The following B3GALT1 variants were observed in gnomAD, a reference collection of about 807,000 sequenced individuals.
B3GALT1 encodes beta-1,3-galactosyltransferase 1, also known as UDP-Gal:betaGlcNAc beta 1,3-galactosyltransferase, polypeptide 1.
Under a neutral mutation model 23.2 loss-of-function variants are expected in B3GALT1, and 10 were observed. That is an observed-to-expected ratio of 0.43 (90% CI 0.27 to 0.73). B3GALT1 has a LOEUF of 0.73. B3GALT1 is among the 30% of genes least tolerant of loss of function. The pLI, the probability that B3GALT1 is intolerant of heterozygous loss-of-function variation, is 0.21. For missense variants in B3GALT1, 299 were observed against 405.4 expected, an observed-to-expected ratio of 0.74 and a Z score of 2.25; for synonymous variants, 156 against 141.5, an observed-to-expected ratio of 1.10 and a Z score of -0.73.
intron 4 of B3GALT1, among the ~76,000 whole-genome samples, chr2:167,859,672 G>A (rs1179980694): frequency 6.6e-6 from 1 of 152,180 alleles, no homozygotes; most frequent in African/African-American, 2.4e-5. Context: ...GCCAAGTCAT[G>A]ATGAATATTA....
At chr2:167,853,760 G>A (rs572286754) in intron 4 of B3GALT1, among the ~76,000 whole-genome samples, 1 of 152,234 alleles carries the variant, frequency 6.6e-6, no homozygotes, top group South Asian at 2.1e-4. Flanking sequence ...CACAATAAAT[G>A]AACTAAGTAA....
At chr2:167,716,778 T>C (rs1687152599) in intron 3 of B3GALT1, among the ~76,000 whole-genome samples, 1 of 152,224 alleles carries the variant, frequency 6.6e-6, no homozygotes, top group Non-Finnish European at 1.5e-5. Flanking sequence ...CACTTGAACA[T>C]TTCTTTTAGA....
At chr2:167,393,238 GAAAA>G (rs202005651) in intron 1 of B3GALT1, among the ~76,000 whole-genome samples, 244 of 89,280 alleles carry the variant, frequency 2.7e-3, no homozygotes, top group African/African-American at 8.5e-3. Context: ...CGTCTCAAAA[GAAAA>G]AAAAAAAAAA....
intron 1 of B3GALT1, among the ~76,000 whole-genome samples, chr2:167,390,972 T>TTA (rs1698008436): frequency 6.6e-6 from 1 of 152,234 alleles, no homozygotes; most frequent in Admixed American, 6.5e-5. Context: ...TGACTCTAGA[T>TTA]AAGGGAGAAT....
intron 2 of B3GALT1, among the ~76,000 whole-genome samples, chr2:167,642,169 A>G (rs1329213054): frequency 6.6e-6 from 1 of 152,176 alleles, no homozygotes; most frequent in Non-Finnish European, 1.5e-5. Flanking sequence ...CTCAACAGCC[A>G]TCACAGTTTT....
chr2:167,701,002 C>T (rs558754081), intron 3 of B3GALT1, among the ~76,000 whole-genome samples: 2 of 152,240 alleles, frequency 1.3e-5, no homozygotes, highest in East Asian at 3.9e-4. Context: ...GAATGTTTAC[C>T]ATGTACCGTG....
rs1365152870 is a variant in B3GALT1 at position 167,493,718 on chromosome 2, G to A, written c.-410+3441G>A. Among the ~76,000 whole-genome samples the A allele has an allele frequency of 1.1e-4, 16 of 152,130 alleles. 1 individual carries two copies. Among genetic ancestry groups the A allele is most frequent in the Admixed American group, 1.0e-3 (16 of 15,264 alleles). ...GGATGATAAGAAGTGTGTTGGCATT[G>A]GAAGTACCTTAAATCTATGCTGCAG... On this transcript the variant is annotated intron_variant, in intron 2 of 4. Coordinates refer to ENST00000392690, the MANE Select transcript of B3GALT1 (RefSeq NM_020981.4).
intron 3 of B3GALT1, among the ~76,000 whole-genome samples, chr2:167,780,478 G>A (rs1450515183): frequency 6.6e-6 from 1 of 152,190 alleles, no homozygotes; most frequent in Non-Finnish European, 1.5e-5. Flanking sequence ...TCATTGGCAG[G>A]CACTTTCAAA....
At chr2:167,340,733 CAA>C (rs1697134929) in intron 1 of B3GALT1, among the ~76,000 whole-genome samples, 1 of 152,120 alleles carries the variant, frequency 6.6e-6, no homozygotes, top group Non-Finnish European at 1.5e-5. Flanking sequence ...CTTCTCTAGA[CAA>C]AGTGATCATC....
intron 2 of B3GALT1, among the ~76,000 whole-genome samples, chr2:167,542,009 AT>A (rs1683540812): frequency 6.6e-6 from 1 of 152,122 alleles, no homozygotes; most frequent in Non-Finnish European, 1.5e-5. Context: ...TTAGAGGGAT[AT>A]TTTGAAAAGA....
chr2:167,638,997 G>T (rs532882768), intron 2 of B3GALT1, among the ~76,000 whole-genome samples: 1 of 152,084 alleles, frequency 6.6e-6, no homozygotes, highest in East Asian at 1.9e-4. Context: ...GCCTGCCTAT[G>T]ATGAGAGCAA....
intron 2 of B3GALT1, among the ~76,000 whole-genome samples, chr2:167,515,110 A>G (rs1054468835): frequency 2.4e-4 from 37 of 152,294 alleles, no homozygotes; most frequent in African/African-American, 8.2e-4. Flanking sequence ...TCATTTTACA[A>G]GTCATCATCT....
intron 1 of B3GALT1, among the ~76,000 whole-genome samples, chr2:167,305,200 C>G (rs1037420276): frequency 6.6e-6 from 1 of 152,132 alleles, no homozygotes; most frequent in African/African-American, 2.4e-5. Context: ...TATGCACATA[C>G]AGACACGAAA....
intron 3 of B3GALT1, among the ~76,000 whole-genome samples, chr2:167,767,294 A>G (rs1382771593): frequency 6.6e-6 from 1 of 152,218 alleles, no homozygotes. Flanking sequence ...TTCTTCTTCA[A>G]CATCATCTCA....
chr2:167,435,948 C>T, intron 1 of B3GALT1, among the ~76,000 whole-genome samples: 1 of 129,576 alleles, frequency 7.7e-6, no homozygotes, highest in East Asian at 2.4e-4. Context: ...CCTCCACACA[C>T]ACACAAACAC....
At chr2:167,545,888 A>T (rs904280296) in intron 2 of B3GALT1, among the ~76,000 whole-genome samples, 2 of 152,240 alleles carry the variant, frequency 1.3e-5, no homozygotes, top group Non-Finnish European at 2.9e-5. Flanking sequence ...GAATATTTGC[A>T]TATACGTAAT....
intron 2 of B3GALT1, among the ~76,000 whole-genome samples, chr2:167,606,104 A>G (rs1263632962): frequency 1.3e-5 from 2 of 152,190 alleles, no homozygotes; most frequent in Admixed American, 6.5e-5. Context: ...TCAAAATTTC[A>G]TTGGAACAAT....
At chr2:167,643,794 T>G (rs1006104122) in intron 2 of B3GALT1, among the ~76,000 whole-genome samples, 1 of 152,204 alleles carries the variant, frequency 6.6e-6, no homozygotes, top group Non-Finnish European at 1.5e-5. Flanking sequence ...TTTATATAGG[T>G]TGGCGAACCT....
At chr2:167,588,635 TC>T (rs1480852172) in intron 2 of B3GALT1, among the ~76,000 whole-genome samples, 3 of 152,110 alleles carry the variant, frequency 2.0e-5, no homozygotes, top group Non-Finnish European at 4.4e-5. Context: ...TGAGTGTTTT[TC>T]ATGTGTTTAT....
Sources: allele counts gnomAD v4.1 joint callset (sites outside exome capture counted in the v4.1 genomes callset), GRCh38; gene constraint gnomAD v4.1.1; transcripts MANE v1.5; gene names NCBI Gene and HGNC (gene_info 2026-07-23, HGNC 2026-07-21).